Variants in FREM1 observed in about 807,000 individuals in gnomAD.
FREM1 encodes the protein FRAS1-related extracellular matrix protein 1.
FREM1 carries 220 observed loss-of-function variants against 210.1 expected under a neutral mutation model. The ratio of observed to expected loss-of-function variants is 1.05; its 90% confidence interval spans 0.94 to 1.17. The LOEUF (loss-of-function observed/expected upper bound fraction) is 1.17, where lower values mean the gene tolerates loss of function less well. Among genes scored for constraint, FREM1 ranks in the 50% most tolerant of loss-of-function variants. The pLI is 0.00. For missense variants in FREM1, 3,454 were observed against 2,675.5 expected (o/e 1.29, Z -6.42); for synonymous variants, 1,189 against 980.2 (o/e 1.21, Z -3.98).
chr9:14,825,326 A>G (rs1346216911), intron 10 of FREM1, among the ~76,000 whole-genome samples: 1 of 151,428 alleles, frequency 6.6e-6, no homozygotes, highest in Non-Finnish European at 1.5e-5. Context: ...CGTCTCTACG[A>G]AAAATTCAAA....
rs377481535 is a variant in FREM1, at chr9:14,840,105, G to C, written c.1881+1342C>G. On this transcript the variant is annotated intron_variant, in intron 10 of 36. Coordinates refer to ENST00000380880, the MANE Select transcript of FREM1 (RefSeq NM_001379081.2). The stretch of plus-strand genomic sequence containing the variant: ...TCATTCTTCCTGATCATCTCCTTCT[G>C]TTATACTCTTCTTAGCACACAGATG... 1.1e-4 allele frequency among the ~76,000 whole-genome samples: 16 copies of C among 152,062 alleles called. No individual in the cohort carries two copies. The East Asian group carries it at 1.5e-3, about 15-fold the overall frequency.
At chr9:14,886,898 A>C (rs1835917521) in intron 1 of FREM1, among the ~76,000 whole-genome samples, 4 of 89,674 alleles carry the variant, frequency 4.5e-5, no homozygotes, top group Admixed American at 3.2e-4. Context: ...CTTGTTTCAA[A>C]AAAAAAAAAA....
At chr9:14,738,317 T>A (rs2131830013) in intron 36 of FREM1, among the ~76,000 whole-genome samples, 1 of 152,290 alleles carries the variant, frequency 6.6e-6, no homozygotes, top group South Asian at 2.1e-4. Context: ...GATCCGACAT[T>A]CCCCAAATCA....
At chr9:14,899,159 G>T (rs1838314747) in intron 1 of FREM1, among the ~76,000 whole-genome samples, 1 of 152,138 alleles carries the variant, frequency 6.6e-6, no homozygotes, top group South Asian at 2.1e-4. Flanking sequence ...GGGCTTTTGA[G>T]GACTGTCTCT....
At chr9:14,897,904 A>G (rs573960785) in intron 1 of FREM1, among the ~76,000 whole-genome samples, 26 of 152,332 alleles carry the variant, frequency 1.7e-4, no homozygotes, top group African/African-American at 6.0e-4. Flanking sequence ...AAGGAGTCTA[A>G]TAAGAGTCTT....
chr9:14,791,011 G>C (rs917817506), intron 22 of FREM1: 12 of 152,184 alleles, frequency 7.9e-5, no homozygotes, highest in Non-Finnish European at 4.4e-5. Flanking sequence ...GTTCCACATA[G>C]AATGAATTCT....
Position 14,740,218 on chromosome 9 carries a change from C to T in FREM1, c.6271G>A (p.Val2091Ile), listed in dbSNP as rs281875282. 8 of 1,612,654 alleles carry T rather than the reference C, an allele frequency of 5.0e-6. No homozygotes were observed. The highest frequency in any genetic ancestry group is 6.8e-6 in the Non-Finnish European group (8 of 1,179,106). ...ATGTGCTGCCTGGAGAATACAGTTA[C>T]AAGGTTGCCCAGGTATCTAAATGCA... ...ACREQYLGNLVTVFSRQHMRW... is the reference protein window; with the variant it reads ...ACREQYLGNLITVFSRQHMRW... The change falls in exon 36 of 37, where the codon GTA (valine) becomes ATA (isoleucine). Residue 2091 changes from valine (V) to isoleucine (I), a missense_variant. By Grantham distance (29) the Val-to-Ile change is conservative (BLOSUM62 3). Transcript: ENST00000380880.
intron 27 of FREM1, among the ~76,000 whole-genome samples, chr9:14,768,147 C>G (rs1001401365): frequency 6.6e-6 from 1 of 152,014 alleles, no homozygotes; most frequent in Non-Finnish European, 1.5e-5. Flanking sequence ...AGCATCATTA[C>G]TGGGGGAAGA....
intron 1 of FREM1, among the ~76,000 whole-genome samples, chr9:14,884,915 CTTTT>C (rs745465527): frequency 1.1e-4 from 8 of 70,406 alleles, no homozygotes; most frequent in Middle Eastern, 0.014. Flanking sequence ...TTCATCATAG[CTTTT>C]TTTTTTTTTT....
chr9:14,791,680 G>C (rs16932291), intron 22 of FREM1, among the ~76,000 whole-genome samples: 10,082 of 152,248 alleles, frequency 0.066, 505 homozygotes, highest in African/African-American at 0.12. Context: ...CATATTGTTT[G>C]TGGAGTAAGT....
At chr9:14,868,591 G>T (rs1468730226) in intron 2 of FREM1, among the ~76,000 whole-genome samples, 153 bp downstream of exon 2, 1 of 152,168 alleles carries the variant, frequency 6.6e-6, no homozygotes, top group East Asian at 1.9e-4. Flanking sequence ...CCTACTAATT[G>T]CAAGTCCACC....
At position 14,861,276 on chromosome 9, in the gene FREM1, T is replaced by TACAC. The variant is rs1384157594; in HGVS notation, c.330-1793_330-1792insGTGT. 3.3e-5 allele frequency among the ~76,000 whole-genome samples: 3 copies of TACAC among 90,052 alleles called. 1 individual carries two copies. The highest frequency in any genetic ancestry group is 1.4e-4 in the African/African-American group (2 of 14,172). The allele number at this position is 90,052 out of a possible 152,430, so 59.1% of individuals were successfully genotyped here. A position where few individuals can be genotyped will look rare whatever the true frequency, so the allele number is the denominator to read the frequency against. ...ACATATATACACATATACACATATATACATATATACATATATACATATATA... is the reference window on the plus strand; with the variant it reads ...ACATATATACACATATACACATATATACACACATATATACATATATACATATATA... On this transcript the variant is annotated intron_variant, in intron 3 of 36. Coordinates refer to ENST00000380880, the MANE Select transcript of FREM1 (RefSeq NM_001379081.2).
At chr9:14,813,262 G>A (rs2133582080) in intron 15 of FREM1, among the ~76,000 whole-genome samples, 198 bp from the exon 16 acceptor site, 1 of 152,272 alleles carries the variant, frequency 6.6e-6, no homozygotes, top group Non-Finnish European at 1.5e-5. Flanking sequence ...AATGCCCCAT[G>A]TGACAGACAT....
At chr9:14,871,105 C>T (rs891993485) in intron 1 of FREM1, among the ~76,000 whole-genome samples, 3 of 152,122 alleles carry the variant, frequency 2.0e-5, no homozygotes, top group African/African-American at 7.2e-5. Context: ...AATGGAGCTG[C>T]AATAAACATA....
intron 4 of FREM1, among the ~76,000 whole-genome samples, chr9:14,858,674 T>C (rs182797065): frequency 3.0e-4 from 45 of 152,292 alleles, no homozygotes; most frequent in African/African-American, 1.0e-3. Flanking sequence ...GTGCCCAAAA[T>C]AGGTTGATTG....
rs1219178596 is a variant in FREM1 at position 14,759,887 on chromosome 9, C to A, written c.5219G>T (p.Trp1740Leu). Residue 1740 changes from tryptophan (W) to leucine (L), a missense_variant, in exon 28 of 37, where the codon TGG becomes TTG. Transcript: ENST00000380880. ...SATPQILELKWSHIEWSQTEY... is the reference protein window; with the variant it reads ...SATPQILELKLSHIEWSQTEY... ...GGTCTGTGACCATTCAATATGAGAC[C>A]ACTTCAGTTCCAAACTGTGTGTGAA... 1.2e-6 allele frequency: 2 copies of A among 1,610,358 alleles called. No homozygotes were observed. Among genetic ancestry groups the A allele is most frequent in the Non-Finnish European group, 1.7e-6 (2 of 1,177,930 alleles).
intron 23 of FREM1, among the ~76,000 whole-genome samples, 198 bp downstream of exon 23, chr9:14,788,721 C>A (rs780318303): frequency 1.3e-5 from 2 of 152,230 alleles, no homozygotes; most frequent in Non-Finnish European, 2.9e-5. Context: ...GGATTGGCTA[C>A]TTCTGTGAAC....
At chr9:14,802,786 C>A (rs1588075295) in intron 19 of FREM1, among the ~76,000 whole-genome samples, 2 of 152,174 alleles carry the variant, frequency 1.3e-5, no homozygotes, top group South Asian at 4.1e-4. Context: ...ATAGTATTCT[C>A]AACAACCCAA....
chr9:14,854,228 T>A (rs1382115615), intron 5 of FREM1, among the ~76,000 whole-genome samples: 1 of 152,160 alleles, frequency 6.6e-6, no homozygotes, highest in Non-Finnish European at 1.5e-5. Context: ...AAAGAAAACA[T>A]CATTTATTTT....
Sources: allele counts gnomAD v4.1 joint callset (sites outside exome capture counted in the v4.1 genomes callset), GRCh38; gene constraint gnomAD v4.1.1; transcripts MANE v1.5; gene names NCBI Gene and HGNC (gene_info 2026-07-23, HGNC 2026-07-21).